Variants in CSDC2 observed in about 807,000 individuals in gnomAD.
The protein encoded by CSDC2 is cold shock domain-containing protein C2.
A neutral mutation model predicts 15.8 loss-of-function variants in CSDC2; 8 were observed. That is an observed-to-expected ratio of 0.51 (90% CI 0.30 to 0.92). The LOEUF (loss-of-function observed/expected upper bound fraction) is 0.92. Among genes scored for constraint, CSDC2 ranks in the 40% least tolerant of loss-of-function variants. The pLI is 0.07. For missense variants in CSDC2, 195 were observed against 213.3 expected (o/e 0.91, Z 0.53); for synonymous variants, 96 against 92.3 (o/e 1.04, Z -0.23).
rs569489327 is a variant in CSDC2 at position 41,567,436 on chromosome 22, C to T, written c.-123-4407C>T. 3.9e-5 allele frequency among the ~76,000 whole-genome samples: 6 copies of T among 152,340 alleles called. No individual in the cohort carries two copies. In the South Asian group the frequency reaches 6.2e-4, roughly 16 times the overall value. ...ACGTAGAAAATAATTTCTGTAAAGA[C>T]TTTTGCACAGTACATGGCATTCAGC... On this transcript the variant is annotated intron_variant, in intron 1 of 3. Coordinates refer to ENST00000306149, the MANE Select transcript of CSDC2 (RefSeq NM_014460.4).
intron 1 of CSDC2, among the ~76,000 whole-genome samples, chr22:41,564,690 G>C (rs187819612): frequency 6.6e-6 from 1 of 152,298 alleles, no homozygotes; most frequent in Admixed American, 6.5e-5. Flanking sequence ...ATGTGTTTTT[G>C]AAAACCTCGG....
chr22:41,571,921 G>A lies in CSDC2; in HGVS notation c.-45G>A. On this transcript the variant is annotated 5_prime_UTR_variant, in exon 2 of 4. Coordinates refer to ENST00000306149, the MANE Select transcript of CSDC2 (RefSeq NM_014460.4). ...GCAAGGACGACCAAACCCCTCACCG[G>A]CCCCTGGGCCCCAGAGCCCACCAGG... 7.9e-7 allele frequency: 1 copy of A among 1,258,742 alleles called. No individual in the cohort carries two copies. Among genetic ancestry groups the A allele is most frequent in the Non-Finnish European group, 1.0e-6 (1 of 980,262 alleles). 78.0% of individuals were successfully genotyped at this position (1,258,742 alleles called of 1,614,324 possible).
At chr22:41,567,211 C>G (rs2067120839) in intron 1 of CSDC2, among the ~76,000 whole-genome samples, 1 of 152,132 alleles carries the variant, frequency 6.6e-6, no homozygotes, top group Non-Finnish European at 1.5e-5. Context: ...TTTGGAAAAA[C>G]TCCAGCCTCA....
chr22:41,568,565 G>A (rs1272706747), intron 1 of CSDC2, among the ~76,000 whole-genome samples: 2 of 152,222 alleles, frequency 1.3e-5, no homozygotes, highest in African/African-American at 2.4e-5. Context: ...GATTATTGGC[G>A]TAAGCCACCT....
intron 1 of CSDC2, among the ~76,000 whole-genome samples, chr22:41,565,119 T>C (rs1272109197): frequency 6.6e-6 from 1 of 150,478 alleles, no homozygotes; most frequent in African/African-American, 2.5e-5. Context: ...TGAGCCGAGA[T>C]CGCGCCACTG....
At chr22:41,567,895 C>T (rs146726490) in intron 1 of CSDC2, among the ~76,000 whole-genome samples, 297 of 152,258 alleles carry the variant, frequency 2.0e-3, no homozygotes, top group African/African-American at 6.9e-3. Flanking sequence ...GAGGGGTGGG[C>T]GATCCTTAGG....
chr22:41,562,059 G>C (rs1387009245), intron 1 of CSDC2, among the ~76,000 whole-genome samples: 1 of 152,186 alleles, frequency 6.6e-6, no homozygotes, highest in Non-Finnish European at 1.5e-5. Flanking sequence ...GACACAGAGC[G>C]AGAACAATAA....
rs760235463 is a variant in CSDC2 at position 41,573,649 on chromosome 22, C to T, written c.177-6C>T. 6.2e-7 allele frequency: 1 copy of T among 1,611,328 alleles called. No homozygotes were observed. Among genetic ancestry groups the T allele is most frequent in the South Asian group, 1.1e-5 (1 of 90,992 alleles). ...CACAGCTCCAATCCCACTACCCTAT[C>T]TCCAGGACAGCCCGGGCCTCAGCTG... On this transcript the variant is annotated splice_region_variant and splice_polypyrimidine_tract_variant and intron_variant, in intron 2 of 3. Coordinates refer to ENST00000306149, the MANE Select transcript of CSDC2 (RefSeq NM_014460.4).
At chr22:41,563,195 G>A (rs994784161) in intron 1 of CSDC2, among the ~76,000 whole-genome samples, 3 of 152,076 alleles carry the variant, frequency 2.0e-5, no homozygotes, top group Non-Finnish European at 2.9e-5. Context: ...CAGGCTGTGT[G>A]GGGGAAGGAC....
In CSDC2 at chr22:41,571,934, A is replaced by C; in HGVS notation, c.-32A>C. The C allele has an allele frequency of 7.7e-7, 1 of 1,301,340 alleles. No individual in the cohort carries two copies. The highest frequency in any genetic ancestry group is 9.9e-7 in the Non-Finnish European group (1 of 1,014,820). The allele number at this position is 1,301,340 out of a possible 1,614,324, so 80.6% of individuals were successfully genotyped here. A position where few individuals can be genotyped will look rare whatever the true frequency, so the allele number is the denominator to read the frequency against. On this transcript the variant is annotated 5_prime_UTR_variant, in exon 2 of 4. Coordinates refer to ENST00000306149, the MANE Select transcript of CSDC2 (RefSeq NM_014460.4). ...AACCCCTCACCGGCCCCTGGGCCCC[A>C]GAGCCCACCAGGCTCTCCTGCTGGC...
intron 1 of CSDC2, among the ~76,000 whole-genome samples, chr22:41,566,630 CAAA>C (rs554141972): frequency 4.4e-4 from 37 of 83,414 alleles, no homozygotes; most frequent in African/African-American, 5.9e-4. Context: ...GACTCTGTCT[CAAA>C]AAAAAAAAAA....
chr22:41,574,421 A>G (rs539302334), intron 3 of CSDC2, among the ~76,000 whole-genome samples: 61 of 152,314 alleles, frequency 4.0e-4, no homozygotes, highest in African/African-American at 1.4e-3. Flanking sequence ...GCCAGCCACC[A>G]TGCCTGGCTA....
chr22:41,572,034 C>T lies in CSDC2; in HGVS notation c.69C>T (p.Pro23=). 1 of 1,364,184 alleles carries T rather than the reference C, an allele frequency of 7.3e-7. No homozygotes were observed. The highest frequency in any genetic ancestry group is 1.9e-4 in the Middle Eastern group (1 of 5,248). 84.5% of individuals were successfully genotyped at this position (1,364,184 alleles called of 1,614,324 possible). A position where few individuals can be genotyped will look rare whatever the true frequency, so the allele number is the denominator to read the frequency against. Residue 23 remains proline (P), a synonymous_variant, in exon 2 of 4, where the codon CCC becomes CCT. Coordinates refer to ENST00000306149, the MANE Select transcript of CSDC2 (RefSeq NM_014460.4). ...PLHSPKSPVW[P]TFPFHREGSR... is the part of the protein sequence containing the mutation. The stretch of plus-strand genomic sequence containing the variant: ...ACTCCCCCAAGTCCCCAGTCTGGCC[C>T]ACCTTCCCCTTCCACAGGGAGGGCA...
rs116551768 is a variant in CSDC2, at chr22:41,576,092, C to G, written c.*1197C>G. 2.6e-5 allele frequency: 4 copies of G among 152,390 alleles called. No homozygotes were observed. In the East Asian group the frequency reaches 7.7e-4, roughly 29 times the overall value. The allele number at this position is 152,390 out of a possible 1,614,324, so 9.4% of individuals were successfully genotyped here. ...CCTTCTAGAGAGCACATCGCCTGAC[C>G]GGGGAGAAGTGGGGCCGTGGTTCGA... On this transcript the variant is annotated 3_prime_UTR_variant, in exon 4 of 4. Coordinates refer to ENST00000306149, the MANE Select transcript of CSDC2 (RefSeq NM_014460.4).
intron 1 of CSDC2, among the ~76,000 whole-genome samples, chr22:41,566,455 A>AC (rs2067115124): frequency 6.7e-6 from 1 of 149,242 alleles, no homozygotes; most frequent in African/African-American, 2.5e-5. Flanking sequence ...AAAAAAAAAA[A>AC]AAAAAAAAAA....
intron 1 of CSDC2, among the ~76,000 whole-genome samples, chr22:41,569,427 T>A (rs185271424): frequency 7.9e-5 from 12 of 152,142 alleles, no homozygotes; most frequent in Admixed American, 3.9e-4. Flanking sequence ...TTGGCAGCCC[T>A]CCCCTCTCCC....
intron 1 of CSDC2, among the ~76,000 whole-genome samples, chr22:41,569,243 C>A (rs1452395327): frequency 6.6e-6 from 1 of 152,242 alleles, no homozygotes; most frequent in Non-Finnish European, 1.5e-5. Context: ...AACTTTGCTG[C>A]CCCGTCTTCT....
At chr22:41,567,738 G>A (rs911981723) in intron 1 of CSDC2, among the ~76,000 whole-genome samples, 1 of 152,358 alleles carries the variant, frequency 6.6e-6, no homozygotes, top group Admixed American at 6.5e-5. Context: ...TCAAATTCTG[G>A]CTCAGACTTT....
Position 41,562,416 on chromosome 22 carries a change from A to T in CSDC2, c.-124+1233A>T, listed in dbSNP as rs189289655. ...CATCCTCACCCCCTTCAAAAAAAAA[A>T]AAAAAGACAGGTATAGACAGGAACT... On this transcript the variant is annotated intron_variant, in intron 1 of 3. Coordinates refer to ENST00000306149, the MANE Select transcript of CSDC2 (RefSeq NM_014460.4). Among the ~76,000 whole-genome samples the T allele has an allele frequency of 4.5e-3, 690 of 151,862 alleles. 6 individuals carry two copies. Among genetic ancestry groups the T allele is most frequent in the African/African-American group, 0.016 (662 of 41,422 alleles).
Sources: gnomAD v4.1 joint callset for allele counts (sites outside exome capture counted in the v4.1 genomes callset) on GRCh38, gnomAD v4.1.1 for gene constraint, MANE v1.5 for transcripts, NCBI Gene and HGNC (gene_info 2026-07-23, HGNC 2026-07-21) for gene names.